VWC2: variants seen among roughly 807,000 people sequenced by gnomAD.
The protein encoded by VWC2 is brorin.
A neutral mutation model predicts 29.8 loss-of-function variants in VWC2; 14 were observed. The ratio of observed to expected loss-of-function variants is 0.47; its 90% CI spans 0.31 to 0.74. The LOEUF (loss-of-function observed/expected upper bound fraction) is 0.74. Ranked by LOEUF, VWC2 falls within the 30% of genes least tolerant of loss-of-function variation. The pLI, the probability that VWC2 is intolerant of heterozygous loss-of-function variation, is 0.05. For synonymous variants in VWC2, 213 were observed against 199.0 expected, an observed-to-expected ratio of 1.07 and a Z score of -0.59; for missense variants, 457 against 459.8, an observed-to-expected ratio of 0.99 and a Z score of 0.05.
chr7:49,875,399 A>AAAAAG (rs1791372647), intron 3 of VWC2, among the ~76,000 whole-genome samples: 1 of 127,720 alleles, frequency 7.8e-6, no homozygotes, highest in Non-Finnish European at 1.7e-5. Context: ...AAAAAAAAAC[A>AAAAAG]GGAATAAATG....
chr7:49,821,334 T>C (rs1478087748), intron 3 of VWC2, among the ~76,000 whole-genome samples: 2 of 152,178 alleles, frequency 1.3e-5, no homozygotes, highest in African/African-American at 4.8e-5. Context: ...AAGTTAATAG[T>C]TACAGTAAGA....
intron 2 of VWC2, among the ~76,000 whole-genome samples, chr7:49,795,541 C>T (rs2128704615): frequency 6.6e-6 from 1 of 152,324 alleles, no homozygotes; most frequent in Admixed American, 6.5e-5. Flanking sequence ...TTGTGGATTA[C>T]ATGTGTAATT....
chr7:49,907,844 G>A (rs533427378), intron 3 of VWC2, among the ~76,000 whole-genome samples: 1 of 152,150 alleles, frequency 6.6e-6, no homozygotes, highest in Non-Finnish European at 1.5e-5. Flanking sequence ...AGGAATGTCT[G>A]GGTTAAGATA....
Position 49,775,464 on chromosome 7 carries a change from G to C in VWC2, c.29G>C (p.Gly10Ala). The C allele has an allele frequency of 6.7e-7, 1 of 1,490,742 alleles. No homozygotes were observed. The highest frequency in any genetic ancestry group is 8.9e-7 in the Non-Finnish European group (1 of 1,124,362). 92.3% of individuals were successfully genotyped at this position (1,490,742 alleles called of 1,614,324 possible). Reference protein sequence around the residue: MPSSTAMAVGALSSSLLVTC... With the variant: MPSSTAMAVAALSSSLLVTC... ...CCCAGCTCCACTGCGATGGCAGTTGGCGCGCTCTCCAGTTCCCTCCTGGTC... is the reference window on the plus strand; with the variant it reads ...CCCAGCTCCACTGCGATGGCAGTTGCCGCGCTCTCCAGTTCCCTCCTGGTC... Residue 10 changes from glycine to alanine, a missense_variant, in exon 2 of 4, where the codon GGC (glycine) becomes GCC (alanine). Around this residue, in one of 2 missense-constraint regions of VWC2, gnomAD observed 272 missense variants for 202.7 expected, o/e 1.34. Transcript: ENST00000340652.
intron 3 of VWC2, among the ~76,000 whole-genome samples, chr7:49,813,639 AATTT>A (rs1474114137): frequency 5.9e-5 from 9 of 152,234 alleles, no homozygotes; most frequent in African/African-American, 2.2e-4. Flanking sequence ...TGCCTTAATT[AATTT>A]ATGTTTGGTG....
intron 3 of VWC2, among the ~76,000 whole-genome samples, chr7:49,894,515 T>G (rs1477087172): frequency 1.3e-5 from 2 of 152,222 alleles, no homozygotes; most frequent in Non-Finnish European, 2.9e-5. Flanking sequence ...ATCCACCAAC[T>G]CAGCTGTGAT....
intron 3 of VWC2, among the ~76,000 whole-genome samples, chr7:49,908,586 C>A (rs912400804): frequency 6.6e-6 from 1 of 151,560 alleles, no homozygotes; most frequent in Non-Finnish European, 1.5e-5. Context: ...TTATGTGTTC[C>A]TATCTGTGCC....
intron 3 of VWC2, among the ~76,000 whole-genome samples, chr7:49,909,312 A>G (rs1369759696): frequency 1.3e-5 from 2 of 151,922 alleles, no homozygotes; most frequent in Non-Finnish European, 2.9e-5. Context: ...TTACCTCTGC[A>G]AAAAAAGATG....
intron 3 of VWC2, among the ~76,000 whole-genome samples, chr7:49,807,033 T>A (rs1407232412): frequency 6.6e-6 from 1 of 152,204 alleles, no homozygotes; most frequent in African/African-American, 2.4e-5. Flanking sequence ...AATTAAAAAC[T>A]AGAGTTTCAA....
At chr7:49,902,416 C>T (rs1434622618) in intron 3 of VWC2, among the ~76,000 whole-genome samples, 1 of 151,902 alleles carries the variant, frequency 6.6e-6, no homozygotes. Context: ...CAGCAGAACA[C>T]AGAAACAGAC....
At chr7:49,825,082 T>C (rs1221032416) in intron 3 of VWC2, among the ~76,000 whole-genome samples, 1 of 152,212 alleles carries the variant, frequency 6.6e-6, no homozygotes, top group Non-Finnish European at 1.5e-5. Flanking sequence ...TAATTTATAC[T>C]GGCTTATCTT....
At chr7:49,893,965 G>C (rs1792255463) in intron 3 of VWC2, among the ~76,000 whole-genome samples, 1 of 152,150 alleles carries the variant, frequency 6.6e-6, no homozygotes, top group African/African-American at 2.4e-5. Context: ...GGACCCTGCT[G>C]GGCTCTCACT....
chr7:49,812,910 T>A (rs1392331675), intron 3 of VWC2, among the ~76,000 whole-genome samples: 1 of 152,188 alleles, frequency 6.6e-6, no homozygotes, highest in East Asian at 1.9e-4. Context: ...AATAAGAAGG[T>A]TGCCAATAGC....
At chr7:49,809,868 T>G (rs528196250) in intron 3 of VWC2, among the ~76,000 whole-genome samples, 50 of 152,162 alleles carry the variant, frequency 3.3e-4, no homozygotes, top group Non-Finnish European at 6.3e-4. Context: ...AAAGGGAACT[T>G]TCTCAATTTG....
intron 3 of VWC2, among the ~76,000 whole-genome samples, chr7:49,906,278 C>T (rs1292199899): frequency 2.0e-5 from 3 of 151,746 alleles, no homozygotes; most frequent in Non-Finnish European, 4.4e-5. Flanking sequence ...ATAATAAGGA[C>T]AAAAAATTCA....
intron 2 of VWC2, among the ~76,000 whole-genome samples, chr7:49,794,430 T>G (rs915108843): frequency 2.0e-5 from 3 of 152,216 alleles, no homozygotes; most frequent in South Asian, 2.1e-4. Flanking sequence ...TGCCCAAGCT[T>G]ACACCAATAA....
chr7:49,849,269 GGAGA>G (rs965324063), intron 3 of VWC2, among the ~76,000 whole-genome samples: 1 of 152,154 alleles, frequency 6.6e-6, no homozygotes. Flanking sequence ...ATTTCCCCGA[GGAGA>G]GAGAGAGAAA....
At chr7:49,896,445 A>G (rs563320126) in intron 3 of VWC2, among the ~76,000 whole-genome samples, 1 of 152,342 alleles carries the variant, frequency 6.6e-6, no homozygotes, top group African/African-American at 2.4e-5. Context: ...AGAGAAAAAA[A>G]TTCCTAAATC....
intron 3 of VWC2, among the ~76,000 whole-genome samples, chr7:49,877,151 A>G (rs113430235): frequency 0.012 from 1,846 of 152,038 alleles, 29 homozygotes; most frequent in African/African-American, 0.033. Flanking sequence ...CCTGACACAT[A>G]GTCTCAGTGC....
Sources: gnomAD v4.1 joint callset for allele counts (sites outside exome capture counted in the v4.1 genomes callset) on GRCh38, gnomAD v4.1.1 for gene constraint, gnomAD v4.1.1 regional missense constraint, MANE v1.5 for transcripts, NCBI Gene and HGNC (gene_info 2026-07-23, HGNC 2026-07-21) for gene names.